CASTOR2: variants seen among roughly 807,000 people sequenced by gnomAD.
CASTOR2 encodes the protein GATS protein like 2.
In CASTOR2, 8 loss-of-function variants were observed where a neutral mutation model predicts 31.2. The ratio of observed to expected loss-of-function variants is 0.26; its 90% CI spans 0.15 to 0.46. The LOEUF is 0.46. CASTOR2 is among the 20% of genes least tolerant of loss of function. The pLI, the probability that CASTOR2 is intolerant of heterozygous loss-of-function variation, is 0.99. For synonymous variants in CASTOR2, 162 were observed against 158.7 expected (o/e 1.02, Z -0.16); for missense variants, 216 against 382.1 (o/e 0.57, Z 3.62).
At chr7:74,997,992 T>C (rs1554438076) in intron 1 of CASTOR2, among the ~76,000 whole-genome samples, 1 of 152,092 alleles carries the variant, frequency 6.6e-6, no homozygotes, top group Admixed American at 6.6e-5. Context: ...TCACGGATCC[T>C]CTTGTCTGTG....
chr7:75,008,898 C>G lies in CASTOR2; in HGVS notation c.184+834C>G, dbSNP rs1247433206. On this transcript the variant is annotated intron_variant, in intron 2 of 8. Transcript: ENST00000616305. ...CCAGGAGTTTGAGACTGTAGTGTGC[C>G]ATGATCACGTCTGTGAATAGCCACT... 9.9e-5 allele frequency among the ~76,000 whole-genome samples: 15 copies of G among 152,140 alleles called. No individual in the cohort carries two copies. In the South Asian group the frequency reaches 1.5e-3, roughly 15 times the overall value.
chr7:75,024,870 A>AT lies in CASTOR2; in HGVS notation c.*171_*172insT. ...TCCCTCCAGGGCAGGGGCCCACGCC[A>AT]AGGCCTCTCCATGCCCTCCTGCCTT... On this transcript the variant is annotated 3_prime_UTR_variant, in exon 9 of 9. Coordinates refer to ENST00000616305, the MANE Select transcript of CASTOR2 (RefSeq NM_001145064.3). 1.3e-6 allele frequency: 2 copies of AT among 1,501,160 alleles called. No homozygotes were observed. The highest frequency in any genetic ancestry group is 1.8e-6 in the Non-Finnish European group (2 of 1,109,668). 93.0% of individuals were successfully genotyped at this position (1,501,160 alleles called of 1,614,324 possible). A position where few individuals can be genotyped will look rare whatever the true frequency, so the allele number is the denominator to read the frequency against.
intron 1 of CASTOR2, among the ~76,000 whole-genome samples, chr7:75,003,463 A>G (rs1410007805): frequency 6.6e-6 from 1 of 151,608 alleles, no homozygotes; most frequent in Non-Finnish European, 1.5e-5. Context: ...AAAGAAAAAA[A>G]AAAAAGGCCG....
At chr7:75,014,131 A>G (rs1440720387) in intron 2 of CASTOR2, among the ~76,000 whole-genome samples, 1 of 152,270 alleles carries the variant, frequency 6.6e-6, no homozygotes, top group East Asian at 1.9e-4. Flanking sequence ...TTAGACTTGC[A>G]GTTAGAGGGG....
Position 75,008,191 on chromosome 7 carries a change from C to T in CASTOR2, c.184+127C>T. 2.5e-6 allele frequency: 3 copies of T among 1,202,796 alleles called. No individual in the cohort carries two copies. The South Asian group carries it at 3.9e-5, about 15-fold the overall frequency. The allele number at this position is 1,202,796 out of a possible 1,614,324, so 74.5% of individuals were successfully genotyped here. A position where few individuals can be genotyped will look rare whatever the true frequency, so the allele number is the denominator to read the frequency against. ...GCCCCCACCTACCTCCTTACTTCTG[C>T]CCTCATCTGCTGGTCAGCTGGAAAA... On this transcript the variant is annotated intron_variant, in intron 2 of 8. Coordinates refer to ENST00000616305, the MANE Select transcript of CASTOR2 (RefSeq NM_001145064.3).
intron 1 of CASTOR2, among the ~76,000 whole-genome samples, chr7:74,990,705 A>C (rs1483379314): frequency 2.0e-5 from 3 of 152,078 alleles, no homozygotes; most frequent in Non-Finnish European, 4.4e-5. Context: ...AAGTACAAAA[A>C]TTAGCCAGGT....
At chr7:74,997,931 G>C (rs1554438062) in intron 1 of CASTOR2, among the ~76,000 whole-genome samples, 44 of 152,190 alleles carry the variant, frequency 2.9e-4, no homozygotes, top group Non-Finnish European at 5.0e-4. Flanking sequence ...GTCCTCTTCT[G>C]CTGATGGGCG....
intron 1 of CASTOR2, among the ~76,000 whole-genome samples, chr7:75,003,871 C>T (rs1272986768): frequency 3.9e-5 from 6 of 152,224 alleles, no homozygotes; most frequent in South Asian, 4.1e-4. Flanking sequence ...CTGCCCTCCC[C>T]GAAGCCCACC....
chr7:75,017,483 C>T lies in CASTOR2; in HGVS notation c.185-115C>T, dbSNP rs1467591438. The T allele has an allele frequency of 1.8e-5, 23 of 1,268,352 alleles. No individual in the cohort carries two copies. In the East Asian group the frequency reaches 5.5e-4, roughly 30 times the overall value. The allele number at this position is 1,268,352 out of a possible 1,614,324, so 78.6% of individuals were successfully genotyped here. A position where few individuals can be genotyped will look rare whatever the true frequency, so the allele number is the denominator to read the frequency against. ...AATCCTGTTGGAAAGTGAGGCAAGG[C>T]ACAGGGTGGAGCTGGCCCCAGAGCA... On this transcript the variant is annotated intron_variant, in intron 2 of 8. Transcript: ENST00000616305.
At chr7:75,016,404 C>T (rs1409168494) in intron 2 of CASTOR2, among the ~76,000 whole-genome samples, 1 of 152,186 alleles carries the variant, frequency 6.6e-6, no homozygotes, top group African/African-American at 2.4e-5. Flanking sequence ...AAGCCAATGC[C>T]AGCCCCTGGG....
chr7:74,998,882 CT>C (rs1426853463), intron 1 of CASTOR2, among the ~76,000 whole-genome samples: 5 of 152,124 alleles, frequency 3.3e-5, no homozygotes, highest in African/African-American at 1.2e-4. Flanking sequence ...TATCCGTCCC[CT>C]TTGGTAACGC....
At chr7:75,023,325 A>AT (rs1278290143) in intron 7 of CASTOR2, among the ~76,000 whole-genome samples, 1 of 152,156 alleles carries the variant, frequency 6.6e-6, no homozygotes, top group Non-Finnish European at 1.5e-5. Flanking sequence ...GAAAAAAAAA[A>AT]GAAGAAACAC....
intron 1 of CASTOR2, among the ~76,000 whole-genome samples, chr7:74,972,479 A>G (rs1340269548): frequency 6.6e-6 from 1 of 151,092 alleles, no homozygotes; most frequent in Non-Finnish European, 1.5e-5. Context: ...CATTCTAGAA[A>G]GTCCACTGGA....
At chr7:75,002,507 G>C (rs1222139577) in intron 1 of CASTOR2, among the ~76,000 whole-genome samples, 1 of 152,120 alleles carries the variant, frequency 6.6e-6, no homozygotes, top group Non-Finnish European at 1.5e-5. Context: ...TGTAATCCCA[G>C]CTACCTGGGA....
At position 75,018,839 on chromosome 7, in the gene CASTOR2, G is replaced by A. The variant is rs1162084432; in HGVS notation, c.512-133G>A. The A allele has an allele frequency of 1.5e-5, 21 of 1,420,154 alleles. No individual in the cohort carries two copies. The African/African-American group carries it at 2.7e-4, about 18-fold the overall frequency. The allele number at this position is 1,420,154 out of a possible 1,614,324, so 88.0% of individuals were successfully genotyped here. On this transcript the variant is annotated intron_variant, in intron 4 of 8. Transcript: ENST00000616305. ...CGGTGGTAATTGGTGGTAGAGGCTG[G>A]AGAAGCAGCGGTGAATGAGTCTCTT... is the stretch of plus-strand genomic sequence containing the variant.
intron 7 of CASTOR2, among the ~76,000 whole-genome samples, chr7:75,022,238 C>T: frequency 6.6e-6 from 1 of 152,154 alleles, no homozygotes; most frequent in Non-Finnish European, 1.5e-5. Context: ...GGCGCGGTGG[C>T]TCGTGCTTGT....
chr7:75,009,100 G>A (rs1380420354), intron 2 of CASTOR2, among the ~76,000 whole-genome samples: 2 of 151,810 alleles, frequency 1.3e-5, no homozygotes, highest in African/African-American at 2.4e-5. Context: ...GGGATTACAG[G>A]TGCCCGCCGC....
chr7:75,025,618 GC>G lies in CASTOR2; in HGVS notation c.*924del, dbSNP rs1351917700. Among the ~76,000 whole-genome samples the G allele has an allele frequency of 6.6e-6, 1 of 152,244 alleles. No individual in the cohort carries two copies. Among genetic ancestry groups the G allele is most frequent in the Non-Finnish European group, 1.5e-5 (1 of 68,030 alleles). On this transcript the variant is annotated 3_prime_UTR_variant, in exon 9 of 9. Transcript: ENST00000616305. The stretch of plus-strand genomic sequence containing the variant: ...TCCCCGCCGTCCTCCTCCCTCCTCT[GC>G]CCCCAAGTCACCTGCCTGCCCACCC...
At chr7:74,965,859 C>T (rs1271009108) in intron 1 of CASTOR2, among the ~76,000 whole-genome samples, 1 of 16,704 alleles carries the variant, frequency 6.0e-5, no homozygotes, top group Non-Finnish European at 9.9e-5. Flanking sequence ...ATCACACACA[C>T]ACACACACAC....
Sources: gnomAD v4.1 joint callset for allele counts (sites outside exome capture counted in the v4.1 genomes callset) on GRCh38, gnomAD v4.1.1 for gene constraint, MANE v1.5 for transcripts, NCBI Gene and HGNC (gene_info 2026-07-23, HGNC 2026-07-21) for gene names.